LZTS2: variants seen among roughly 807,000 people sequenced by gnomAD.
The protein encoded by LZTS2 is leucine zipper putative tumor suppressor 2.
Under a neutral mutation model 60.6 loss-of-function variants are expected in LZTS2, and 32 were observed. The ratio of observed to expected loss-of-function variants is 0.53; its 90% confidence interval spans 0.40 to 0.71. The LOEUF (loss-of-function observed/expected upper bound fraction) is 0.71, where lower values mean the gene tolerates loss of function less well. Ranked by LOEUF, LZTS2 falls within the 30% of genes least tolerant of loss-of-function variation. The probability of loss-of-function intolerance (pLI) is 0.00; values close to 1 mark genes in which losing one functional copy is unlikely to be tolerated. For synonymous variants in LZTS2, 360 were observed against 393.1 expected, an observed-to-expected ratio of 0.92 and a Z score of 1.00; for missense variants, 792 against 901.9, an observed-to-expected ratio of 0.88 and a Z score of 1.56.
chr10:101,006,582 G>T (rs147628187), exon 4 of LZTS2: 2 of 1,609,968 alleles, frequency 1.2e-6, no homozygotes, highest in Non-Finnish European at 8.5e-7. Flanking sequence ...GTGGCTCTGC[G>T]GGTGGCGCTG....
At chr10:101,004,080 G>T in exon 2 of LZTS2, 1 of 1,613,324 alleles carries the variant, frequency 6.2e-7, no homozygotes, top group Non-Finnish European at 8.5e-7. Context: ...GCTGCACTGT[G>T]TCCTGGAAGG....
chr10:101,005,829 C>T, intron 3 of LZTS2, 114 bp downstream of exon 4: 1 of 1,343,280 alleles, frequency 7.4e-7, no homozygotes, highest in Non-Finnish European at 9.8e-7. Context: ...TCCCCTTTCT[C>T]ACCTCCGTGA....
chr10:101,002,879 G>A lies in LZTS2; in HGVS notation c.341G>A (p.Arg114Gln), dbSNP rs748135931. The change falls in exon 1 of 4, where the codon CGG becomes CAG. Residue 114 changes from arginine (R) to glutamine (Q), a missense_variant. Transcript: ENST00000370220. ...GATGTTGAGGATGCCCGAGAGCAGC[G>A]GGCACACAATGCCCACCTCCGCGGC... is the stretch of plus-strand genomic sequence containing the variant. 2.5e-5 allele frequency: 41 copies of A among 1,613,658 alleles called. No homozygotes were observed. The highest frequency in any genetic ancestry group is 6.7e-5 in the Admixed American group (4 of 60,000).
At chr10:101,002,580 T>A (rs747701306) in exon 1 of LZTS2, 1 of 1,544,040 alleles carries the variant, frequency 6.5e-7, no homozygotes, top group African/African-American at 1.4e-5. Context: ...TGGAGCCTGC[T>A]CCTGAAGCTG....
intron 2 of LZTS2, 42 bp from the exon 4 acceptor site, chr10:101,005,416 G>A (rs761030088): frequency 6.6e-7 from 1 of 1,508,002 alleles, no homozygotes; most frequent in South Asian, 1.3e-5. Context: ...GTGGGGAGTT[G>A]GGAAAACTGC....
At position 101,005,401 on chromosome 10, in the gene LZTS2, A is replaced by G. The variant is rs147560377; in HGVS notation, c.1069-57A>G. 5,189 of 1,497,648 alleles carry G rather than the reference A, an allele frequency of 3.5e-3. 15 individuals carry two copies. Among genetic ancestry groups the G allele is most frequent in the Middle Eastern group, 8.3e-3 (44 of 5,270 alleles). 92.8% of individuals were successfully genotyped at this position (1,497,648 alleles called of 1,614,324 possible). A position where few individuals can be genotyped will look rare whatever the true frequency, so the allele number is the denominator to read the frequency against. ...TCGGAAGTGGGCTGCCAGAGCAGAC[A>G]CTGAGTGGGGAGTTGGGAAAACTGC... On this transcript the variant is annotated intron_variant, in intron 2 of 3. Transcript: ENST00000370220.
upstream of LZTS2, among the ~76,000 whole-genome samples, chr10:100,997,571 T>C (rs969327254): frequency 3.3e-5 from 5 of 151,922 alleles, no homozygotes; most frequent in African/African-American, 1.2e-4. Context: ...CGGTCGCGTA[T>C]TGGGTGCGGG....
At position 101,003,952 on chromosome 10, in the gene LZTS2, T is replaced by C. The variant is rs1273681352; in HGVS notation, c.854T>C (p.Leu285Pro). 4 of 1,611,772 alleles carry C rather than the reference T, an allele frequency of 2.5e-6. No individual in the cohort carries two copies. In the East Asian group the frequency reaches 8.9e-5, roughly 36 times the overall value. The change falls in exon 2 of 4, where the codon CTA (leucine) becomes CCA (proline). Residue 285 changes from leucine (L) to proline (P), a missense_variant. Transcript: ENST00000370220. ...TCCTCCAGCAAGAGCACAGGCTCCC[T>C]AGGGGGCCGTGTGGCTGGGGGGCTT...
upstream of LZTS2, among the ~76,000 whole-genome samples, chr10:100,997,724 GC>G (rs1205240362): frequency 6.6e-6 from 1 of 152,238 alleles, no homozygotes; most frequent in Non-Finnish European, 1.5e-5. Context: ...AGTGGCCTGT[GC>G]CCCCAACCCA....
At chr10:101,003,023 A>G in intron 1 of LZTS2, 77 bp downstream of exon 2, 1 of 1,492,040 alleles carries the variant, frequency 6.7e-7, no homozygotes, top group Non-Finnish European at 8.9e-7. Context: ...AGAAGCTTAT[A>G]TAGAGGAAAG....
exon 1 of LZTS2, chr10:101,001,971 C>T (rs553187322): frequency 2.6e-5 from 4 of 152,394 alleles, no homozygotes; most frequent in East Asian, 1.9e-4. Flanking sequence ...GCAGTTTAGC[C>T]GCCTTTCTGT....
chr10:101,004,023 G>A, exon 2 of LZTS2: 2 of 1,613,244 alleles, frequency 1.2e-6, no homozygotes, highest in South Asian at 2.2e-5. Flanking sequence ...CTCCTGTGGG[G>A]AGCGCTCACC....
exon 4 of LZTS2, chr10:101,007,221 AGATCCACTTAGGCCCCAG>A (rs1194111393): frequency 5.4e-6 from 8 of 1,484,984 alleles, no homozygotes; most frequent in Non-Finnish European, 7.1e-6. Flanking sequence ...CAGCAGCTGC[AGATCCACTTAGGCCCCAG>A]GGTCCACGGA....
chr10:101,003,462 A>G (rs746150409), intron 1 of LZTS2, 45 bp from the exon 3 acceptor site: 5 of 1,508,260 alleles, frequency 3.3e-6, no homozygotes, highest in South Asian at 1.4e-5. Flanking sequence ...GGGCTCTGCA[A>G]GATTGGGCAG....
upstream of LZTS2, chr10:100,998,211 A>C (rs1473779285): frequency 6.6e-6 from 1 of 152,342 alleles, no homozygotes; most frequent in Non-Finnish European, 1.5e-5. Context: ...GGGAGTGGGC[A>C]GTAGCCCGAT....
rs1343785566 is a variant in LZTS2, at chr10:101,006,854, G to A, written c.1696G>A (p.Gly566Arg). 35 of 1,534,070 alleles carry A rather than the reference G, an allele frequency of 2.3e-5. No individual in the cohort carries two copies. The highest frequency in any genetic ancestry group is 1.8e-4 in the Admixed American group (9 of 50,850). Residue 566 changes from glycine to arginine, a missense_variant, in exon 4 of 4, where the codon GGG becomes AGG. Gly to Arg is a moderately radical substitution (Grantham distance 125). Transcript: ENST00000370220. ...GGCCAAAGTGCAGCGGGCAGCAGCC[G>A]GGGTTGGGGGCAGCTTGCGGGCCCA...
chr10:101,003,037 G>C, intron 1 of LZTS2, 91 bp downstream of exon 2: 2 of 1,414,310 alleles, frequency 1.4e-6, no homozygotes, highest in Non-Finnish European at 1.9e-6. Flanking sequence ...AGGAAAGAGT[G>C]TGGGCTCCAG....
In LZTS2 at chr10:101,004,231, C is replaced by T. The variant is rs564013787; in HGVS notation, c.1068+65C>T. ...ACATCCCAAGGCCCTGGGATGCAAG[C>T]GGCATTTCCATTTTGGCAGGGAACG... is the stretch of plus-strand genomic sequence containing the variant. On this transcript the variant is annotated intron_variant, in intron 2 of 3. Transcript: ENST00000370220. 2,870 of 1,507,262 alleles carry T rather than the reference C, an allele frequency of 1.9e-3. 5 individuals are homozygous for T. Among genetic ancestry groups the T allele is most frequent in the Non-Finnish European group, 2.2e-3 (2,490 of 1,121,268 alleles). 93.4% of individuals were successfully genotyped at this position (1,507,262 alleles called of 1,614,324 possible).
upstream of LZTS2, chr10:100,998,253 A>G (rs1007871988): frequency 1.3e-5 from 2 of 152,100 alleles, no homozygotes; most frequent in Non-Finnish European, 2.9e-5. Context: ...CTACCCCTAC[A>G]CACACGCTGA....
Sources: allele counts gnomAD v4.1 joint callset (sites outside exome capture counted in the v4.1 genomes callset), GRCh38; gene constraint gnomAD v4.1.1; transcripts MANE v1.5; gene names NCBI Gene and HGNC (gene_info 2026-07-23, HGNC 2026-07-21).